The following PEPD variants were observed in gnomAD, a reference collection of about 807,000 sequenced individuals.
PEPD encodes peptidase D, also known as xaa-Pro dipeptidase.
Under a neutral mutation model 60.7 loss-of-function variants are expected in PEPD, and 53 were observed. That is an observed-to-expected ratio of 0.87 (90% CI 0.70 to 1.10). The LOEUF is 1.10. PEPD is among the 50% of genes least tolerant of loss of function. The pLI is 0.00. For missense variants in PEPD, 711 were observed against 711.9 expected, an observed-to-expected ratio of 1.00 and a Z score of 0.01; for synonymous variants, 267 against 284.1, an observed-to-expected ratio of 0.94 and a Z score of 0.60.
chr19:33,432,408 C>A (rs1969293150), intron 9 of PEPD, among the ~76,000 whole-genome samples: 1 of 152,250 alleles, frequency 6.6e-6, no homozygotes, highest in African/African-American at 2.4e-5. Context: ...ACACGGGGCA[C>A]CCCACCCTGG....
intron 12 of PEPD, among the ~76,000 whole-genome samples, chr19:33,395,553 C>G (rs1968339757): frequency 6.6e-6 from 1 of 152,202 alleles, no homozygotes; most frequent in African/African-American, 2.4e-5. Context: ...CCAGGTGTGG[C>G]CAGCGTAGCC....
Position 33,387,275 on chromosome 19 carries a change from GC to G in PEPD, c.*68del. 1.9e-6 allele frequency: 3 copies of G among 1,588,296 alleles called. No individual in the cohort carries two copies. Among genetic ancestry groups the G allele is most frequent in the Admixed American group, 3.3e-5 (2 of 59,864 alleles). On this transcript the variant is annotated 3_prime_UTR_variant, in exon 15 of 15. Transcript: ENST00000244137. Reference sequence around the variant, plus strand: ...TCTCTCGCTACTGGAGTGCTGACCAGCAGGCTGCCCATCACGAAAAGAGGTT... The same window carrying G: ...TCTCTCGCTACTGGAGTGCTGACCAGAGGCTGCCCATCACGAAAAGAGGTT...
At chr19:33,493,812 C>T (rs1216490651) in intron 4 of PEPD, among the ~76,000 whole-genome samples, 1 of 152,048 alleles carries the variant, frequency 6.6e-6, no homozygotes, top group Admixed American at 6.5e-5. Context: ...CCCAATCCCA[C>T]CCTCTGGCCC....
At chr19:33,400,081 C>A (rs1372528776) in intron 12 of PEPD, among the ~76,000 whole-genome samples, 2 of 152,196 alleles carry the variant, frequency 1.3e-5, no homozygotes, top group African/African-American at 4.8e-5. Context: ...GCCCACCTGG[C>A]TCCTGGAGGA....
At chr19:33,387,632 A>T (rs1968107346) in intron 14 of PEPD, 151 bp from the exon 15 acceptor site, 3 of 999,510 alleles carry the variant, frequency 3.0e-6, no homozygotes, top group Non-Finnish European at 4.6e-6. Flanking sequence ...TCATGGAGCC[A>T]TCTGCCCATG....
At chr19:33,507,022 C>G (rs1331896921) in intron 3 of PEPD, among the ~76,000 whole-genome samples, 1 of 151,790 alleles carries the variant, frequency 6.6e-6, no homozygotes, top group Admixed American at 6.6e-5. Context: ...CACCACACCA[C>G]ACACAGGTGT....
chr19:33,401,828 T>G lies in PEPD; in HGVS notation c.860A>C (p.Asp287Ala). Residue 287 changes from aspartate to alanine, a missense_variant, in exon 12 of 15, where the codon GAC (aspartate) becomes GCC (alanine). Transcript: ENST00000244137. ...GTTGGCGGGAAAGGAGCAGGTGATG[T>G]CGGAAGCGAAGCAGTAATACTCACC... ...MGGEYYCFAS[D>A]ITCSFPANGK... 6.2e-7 allele frequency: 1 copy of G among 1,613,208 alleles called. No individual in the cohort carries two copies. Among genetic ancestry groups the G allele is most frequent in the Non-Finnish European group, 8.5e-7 (1 of 1,179,954 alleles).
At chr19:33,492,174 A>C (rs1970514170) in intron 5 of PEPD, among the ~76,000 whole-genome samples, 1 of 151,992 alleles carries the variant, frequency 6.6e-6, no homozygotes, top group Non-Finnish European at 1.5e-5. Context: ...AATTCCAGAG[A>C]ATTCTTTGGG....
intron 3 of PEPD, among the ~76,000 whole-genome samples, chr19:33,507,551 G>T (rs1486685336): frequency 1.3e-5 from 2 of 152,086 alleles, no homozygotes; most frequent in Non-Finnish European, 2.9e-5. Context: ...TCGTTTCCCT[G>T]GGCGACTTTG....
chr19:33,437,642 T>C (rs1281572342), intron 9 of PEPD, among the ~76,000 whole-genome samples: 1 of 152,224 alleles, frequency 6.6e-6, no homozygotes, highest in African/African-American at 2.4e-5. Flanking sequence ...ATGCGTTTGA[T>C]GTTTTATAGC....
chr19:33,432,154 A>G (rs1342386435), intron 9 of PEPD, among the ~76,000 whole-genome samples: 1 of 152,064 alleles, frequency 6.6e-6, no homozygotes, highest in Non-Finnish European at 1.5e-5. Context: ...GCTCCACTGC[A>G]CCGGCAGGTT....
At chr19:33,390,141 A>AT (rs934166007) in intron 13 of PEPD, among the ~76,000 whole-genome samples, 115 of 152,362 alleles carry the variant, frequency 7.5e-4, no homozygotes, top group Middle Eastern at 3.4e-3. Context: ...GAAAAGCCAT[A>AT]TTTTTTCCAC....
chr19:33,468,204 T>C (rs1202403955), intron 7 of PEPD, among the ~76,000 whole-genome samples: 1 of 152,156 alleles, frequency 6.6e-6, no homozygotes, highest in African/African-American at 2.4e-5. Flanking sequence ...GTGCACCCCC[T>C]GGCCAGCTCC....
At chr19:33,497,069 A>G (rs1970621645) in intron 4 of PEPD, among the ~76,000 whole-genome samples, 1 of 152,258 alleles carries the variant, frequency 6.6e-6, no homozygotes, top group Non-Finnish European at 1.5e-5. Context: ...GGTGGCCTGC[A>G]CTGCTTTTAC....
At chr19:33,469,334 C>A (rs370769356) in intron 7 of PEPD, among the ~76,000 whole-genome samples, 3 of 152,182 alleles carry the variant, frequency 2.0e-5, no homozygotes, top group Non-Finnish European at 4.4e-5. Context: ...GCCAAGCAAG[C>A]CCCAGTCACC....
At chr19:33,418,731 G>T (rs1267104300) in intron 9 of PEPD, among the ~76,000 whole-genome samples, 1 of 152,160 alleles carries the variant, frequency 6.6e-6, no homozygotes, top group African/African-American at 2.4e-5. Context: ...TGAACTGGGG[G>T]ACTGCTGCGT....
intron 9 of PEPD, among the ~76,000 whole-genome samples, chr19:33,444,440 G>A (rs1969551562): frequency 6.6e-6 from 1 of 152,008 alleles, no homozygotes; most frequent in Non-Finnish European, 1.5e-5. Context: ...GTCCCGGTAA[G>A]GGGCCAGGCA....
At chr19:33,480,303 A>C (rs1448697785) in intron 6 of PEPD, among the ~76,000 whole-genome samples, 1 of 152,356 alleles carries the variant, frequency 6.6e-6, no homozygotes, top group Non-Finnish European at 1.5e-5. Context: ...ACTAAAGACA[A>C]AGAAGGGCAT....
At chr19:33,389,366 A>T (rs1337120830) in intron 13 of PEPD, among the ~76,000 whole-genome samples, 1 of 152,214 alleles carries the variant, frequency 6.6e-6, no homozygotes, top group Non-Finnish European at 1.5e-5. Context: ...ATGGAGTGAC[A>T]GTCCCTCTGC....
Sources: gnomAD v4.1 joint callset for allele counts (sites outside exome capture counted in the v4.1 genomes callset) on GRCh38, gnomAD v4.1.1 for gene constraint, MANE v1.5 for transcripts, NCBI Gene and HGNC (gene_info 2026-07-23, HGNC 2026-07-21) for gene names.